NCKAP5: variants seen among roughly 807,000 people sequenced by gnomAD.
NCKAP5 encodes NCK associated protein 5.
Under a neutral mutation model 167.0 loss-of-function variants are expected in NCKAP5, and 92 were observed. The observed-to-expected ratio is 0.55, with a 90% CI of 0.47 to 0.66. The LOEUF (loss-of-function observed/expected upper bound fraction) is 0.66. Among genes scored for constraint, NCKAP5 ranks in the 30% least tolerant of loss-of-function variants. The probability of loss-of-function intolerance (pLI) is 0.00; values close to 1 mark genes in which losing one functional copy is unlikely to be tolerated. For synonymous variants in NCKAP5, 891 were observed against 877.4 expected (o/e 1.02, Z -0.27); for missense variants, 2,378 against 2,315.0 (o/e 1.03, Z -0.56).
chr2:132,742,564 G>C lies in NCKAP5; in HGVS notation c.5129-10513C>G, dbSNP rs372818551. ...TACTCTAAGAGTATAAATAATTTTA[G>C]CCTGCCTATATTACTGTAATTACAG... On this transcript the variant is annotated intron_variant, in intron 16 of 19. Transcript: ENST00000409261. 1.4e-4 allele frequency among the ~76,000 whole-genome samples: 21 copies of C among 151,822 alleles called. No individual in the cohort carries two copies. In the East Asian group the frequency reaches 3.9e-3, roughly 28 times the overall value.
At chr2:133,141,015 C>T (rs144336696) in intron 5 of NCKAP5, among the ~76,000 whole-genome samples, 224 of 152,122 alleles carry the variant, frequency 1.5e-3, no homozygotes, top group African/African-American at 5.2e-3. Context: ...TTAAGCTCCA[C>T]ATGAATCCTC....
intron 19 of NCKAP5, among the ~76,000 whole-genome samples, chr2:132,694,984 G>A (rs1338078959): frequency 1.3e-5 from 2 of 152,126 alleles, no homozygotes; most frequent in African/African-American, 4.8e-5. Flanking sequence ...TTGGTGTCTG[G>A]TGAGGGCTTC....
chr2:133,518,082 AT>A (rs1324689928), intron 2 of NCKAP5, among the ~76,000 whole-genome samples: 1 of 152,188 alleles, frequency 6.6e-6, no homozygotes, highest in Admixed American at 6.5e-5. Context: ...TTTGAGGAAC[AT>A]TGTAAGATAC....
rs565770883 is a variant in NCKAP5 at position 133,482,210 on chromosome 2, CT to C, written c.69+35247del. 2.9e-3 allele frequency among the ~76,000 whole-genome samples: 428 copies of C among 150,050 alleles called. 3 individuals are homozygous for C. Among genetic ancestry groups the C allele is most frequent in the African/African-American group, 8.9e-3 (364 of 40,816 alleles). On this transcript the variant is annotated intron_variant, in intron 3 of 19. Transcript: ENST00000409261. ...CATTGTGTATATATATAAAATTTTC[CT>C]TTTTTTTTCTTTTTCTTTTTCTTTT...
intron 6 of NCKAP5, among the ~76,000 whole-genome samples, chr2:133,010,147 T>C (rs1371362677): frequency 6.6e-6 from 1 of 152,000 alleles, no homozygotes; most frequent in East Asian, 1.9e-4. Context: ...TTTTGAAAAA[T>C]AAGTTGGACT....
chr2:133,528,783 C>T (rs1368094), intron 2 of NCKAP5, among the ~76,000 whole-genome samples: 66,230 of 151,938 alleles, frequency 0.44, 15,236 homozygotes, highest in East Asian at 0.76. Context: ...GATGCCTTCC[C>T]GGCCCCCTCT....
rs116235876 is a variant in NCKAP5, at chr2:132,773,155, G to T, written c.5128+661C>A. Among the ~76,000 whole-genome samples the T allele has an allele frequency of 2.1e-3, 317 of 152,328 alleles. 1 individual carries two copies. The highest frequency in any genetic ancestry group is 3.6e-3 in the Non-Finnish European group (247 of 68,042). On this transcript the variant is annotated intron_variant, in intron 16 of 19. Transcript: ENST00000409261. ...ACCACTTCTTCAAGTGTCCAGGGTG[G>T]CCTGGAGGAGCTAAAGGTGCCACTT...
chr2:133,033,317 CA>C (rs1257599996), intron 6 of NCKAP5, among the ~76,000 whole-genome samples: 1 of 152,176 alleles, frequency 6.6e-6, no homozygotes, highest in Non-Finnish European at 1.5e-5. Context: ...GGGGTGCCCC[CA>C]AAGGAAGATA....
At chr2:133,188,544 C>A (rs189483921) in intron 5 of NCKAP5, among the ~76,000 whole-genome samples, 35 of 152,218 alleles carry the variant, frequency 2.3e-4, no homozygotes, top group Non-Finnish European at 4.6e-4. Flanking sequence ...GTAAAGGACT[C>A]CTCAACAAAT....
At chr2:133,257,675 T>C (rs2088687433) in intron 4 of NCKAP5, among the ~76,000 whole-genome samples, 1 of 152,170 alleles carries the variant, frequency 6.6e-6, no homozygotes, top group Non-Finnish European at 1.5e-5. Flanking sequence ...GCCAGATGCT[T>C]AACTTTGTGT....
chr2:133,442,602 T>C lies in NCKAP5; in HGVS notation c.69+74856A>G, dbSNP rs112655745. Among the ~76,000 whole-genome samples, 1,083 of 152,298 alleles carry C rather than the reference T, an allele frequency of 7.1e-3. 13 individuals are homozygous for C. The highest frequency in any genetic ancestry group is 0.025 in the African/African-American group (1,025 of 41,570). On this transcript the variant is annotated intron_variant, in intron 3 of 19. Coordinates refer to ENST00000409261, the MANE Select transcript of NCKAP5 (RefSeq NM_207363.3). ...GCCTCCTAATTGATGGTTCCCAGGC[T>C]ATTGCCCCAGGGCTGAGGGCCAGCT... is the stretch of plus-strand genomic sequence containing the variant.
chr2:132,799,417 A>C (rs180723148), intron 11 of NCKAP5, among the ~76,000 whole-genome samples: 1 of 152,196 alleles, frequency 6.6e-6, no homozygotes, highest in Non-Finnish European at 1.5e-5. Flanking sequence ...AAGTTAAATA[A>C]AATTCCTAAC....
In NCKAP5 at chr2:132,881,628, G is replaced by A. The variant is rs570895636; in HGVS notation, c.580-2712C>T. On this transcript the variant is annotated intron_variant, in intron 8 of 19. Coordinates refer to ENST00000409261, the MANE Select transcript of NCKAP5 (RefSeq NM_207363.3). ...AACATCCCTTAATTTGGGCTTCTCT[G>A]GAGCTCCCTCATACATATTTGGTGG... 2.2e-5 allele frequency among the ~76,000 whole-genome samples: 3 copies of A among 136,558 alleles called. No homozygotes were observed. In the East Asian group the frequency reaches 6.6e-4, roughly 30 times the overall value. 89.6% of individuals were successfully genotyped at this position (136,558 alleles called of 152,430 possible).
intron 2 of NCKAP5, among the ~76,000 whole-genome samples, chr2:133,522,634 G>A (rs1482790934): frequency 6.6e-6 from 1 of 152,160 alleles, no homozygotes; most frequent in Non-Finnish European, 1.5e-5. Context: ...GTTCACAGCT[G>A]TCTTTGTGAA....
At chr2:133,630,411 T>A in the NCKAP5 span, among the ~76,000 whole-genome samples, 1 of 152,154 alleles carries the variant, frequency 6.6e-6, no homozygotes, top group Non-Finnish European at 1.5e-5. Context: ...CACGTATCTG[T>A]GAACACACTG....
the NCKAP5 span, among the ~76,000 whole-genome samples, chr2:133,651,750 C>A: frequency 2.0e-5 from 3 of 152,132 alleles, no homozygotes; most frequent in Non-Finnish European, 2.9e-5. Context: ...GTAGAAGCAA[C>A]TTATATATCC....
rs889313058 is a variant in NCKAP5, at chr2:133,082,466, G to C, written c.341+47512C>G. Among the ~76,000 whole-genome samples, 4 of 152,124 alleles carry C rather than the reference G, an allele frequency of 2.6e-5. No individual in the cohort carries two copies. In the East Asian group the frequency reaches 7.7e-4, roughly 29 times the overall value. On this transcript the variant is annotated intron_variant, in intron 6 of 19. Coordinates refer to ENST00000409261, the MANE Select transcript of NCKAP5 (RefSeq NM_207363.3). ...CACTCGTGCTTTTTCACTAAAAGAAGCTTTACAGGTGGGTGGGTGGAAGGG... is the reference window on the plus strand; with the variant it reads ...CACTCGTGCTTTTTCACTAAAAGAACCTTTACAGGTGGGTGGGTGGAAGGG...
the NCKAP5 span, among the ~76,000 whole-genome samples, chr2:133,663,372 A>T: frequency 3.9e-5 from 6 of 152,236 alleles, no homozygotes; most frequent in East Asian, 1.2e-3. Context: ...CTATGGATTA[A>T]TCAGGGTGGC....
At chr2:133,367,688 G>A (rs951362564) in intron 3 of NCKAP5, among the ~76,000 whole-genome samples, 3 of 151,998 alleles carry the variant, frequency 2.0e-5, no homozygotes, top group Non-Finnish European at 4.4e-5. Context: ...AACACCCCTA[G>A]CAAACATGGA....
Sources: allele counts gnomAD v4.1 joint callset (sites outside exome capture counted in the v4.1 genomes callset), GRCh38; gene constraint gnomAD v4.1.1; transcripts MANE v1.5; gene names NCBI Gene and HGNC (gene_info 2026-07-23, HGNC 2026-07-21).